Variants in NELL1 observed in about 807,000 individuals in gnomAD.
NELL1 encodes neural EGFL like 1, also known as protein kinase C-binding protein NELL1.
Under a neutral mutation model 107.4 loss-of-function variants are expected in NELL1, and 76 were observed. That is an observed-to-expected ratio of 0.71 (90% CI 0.59 to 0.86). The LOEUF (loss-of-function observed/expected upper bound fraction) is 0.86, where lower values mean the gene tolerates loss of function less well. NELL1 is among the 40% of genes least tolerant of loss of function. The pLI, the probability that NELL1 is intolerant of heterozygous loss-of-function variation, is 0.00. For missense variants in NELL1, 1,024 were observed against 1,005.5 expected, an observed-to-expected ratio of 1.02 and a Z score of -0.25; for synonymous variants, 353 against 341.2, an observed-to-expected ratio of 1.03 and a Z score of -0.38.
At chr11:20,820,825 C>T (rs1022307230) in intron 3 of NELL1, among the ~76,000 whole-genome samples, 2 of 152,192 alleles carry the variant, frequency 1.3e-5, no homozygotes, top group African/African-American at 4.8e-5. Flanking sequence ...CTGTCTCTAG[C>T]GTAGCCCCTT....
At chr11:21,151,229 G>C (rs532799157) in intron 13 of NELL1, among the ~76,000 whole-genome samples, 4 of 152,238 alleles carry the variant, frequency 2.6e-5, no homozygotes, top group African/African-American at 9.6e-5. Context: ...TGGTCTAGAG[G>C]AACATACATT....
intron 4 of NELL1, among the ~76,000 whole-genome samples, chr11:20,875,989 C>G (rs963240613): frequency 9.2e-5 from 14 of 152,224 alleles, no homozygotes; most frequent in African/African-American, 3.1e-4. Context: ...GGTGTTGACA[C>G]CCTGCTCTCA....
intron 12 of NELL1, among the ~76,000 whole-genome samples, chr11:21,001,970 T>C (rs1055025200): frequency 1.3e-5 from 2 of 152,192 alleles, no homozygotes; most frequent in African/African-American, 4.8e-5. Flanking sequence ...TTGGGCAAAA[T>C]GGCCCAGCCT....
intron 2 of NELL1, among the ~76,000 whole-genome samples, chr11:20,682,016 T>A (rs1007510519): frequency 6.6e-6 from 1 of 152,140 alleles, no homozygotes; most frequent in South Asian, 2.1e-4. Flanking sequence ...CATCTCAAGA[T>A]TCATAATTTA....
chr11:20,805,266 T>C (rs1857358692), intron 3 of NELL1, among the ~76,000 whole-genome samples: 1 of 152,194 alleles, frequency 6.6e-6, no homozygotes, highest in Admixed American at 6.5e-5. Flanking sequence ...TCATGTCTTT[T>C]GAATAAAGAG....
chr11:21,510,089 T>A lies in NELL1; in HGVS notation c.1646-24285T>A, dbSNP rs555987827. Among the ~76,000 whole-genome samples, 4 of 152,294 alleles carry A rather than the reference T, an allele frequency of 2.6e-5. No individual in the cohort carries two copies. The South Asian group carries it at 8.3e-4, about 32-fold the overall frequency. ...TAATTAACATCTTCGGCACTTGAGT[T>A]GAATGGCAAGACCTCTTCAGGACTG... On this transcript the variant is annotated intron_variant, in intron 15 of 19. Coordinates refer to ENST00000357134, the MANE Select transcript of NELL1 (RefSeq NM_006157.5).
In NELL1 at chr11:20,687,099, C is replaced by G. The variant is rs1247866146; in HGVS notation, c.184+9039C>G. Among the ~76,000 whole-genome samples the G allele has an allele frequency of 1.7e-4, 25 of 143,374 alleles. 1 individual carries two copies. Among genetic ancestry groups the G allele is most frequent in the Admixed American group, 1.7e-3 (24 of 14,226 alleles). The allele number at this position is 143,374 out of a possible 152,430, so 94.1% of individuals were successfully genotyped here. A position where few individuals can be genotyped will look rare whatever the true frequency, so the allele number is the denominator to read the frequency against. The stretch of plus-strand genomic sequence containing the variant: ...ATTATGTTATATTTAGTATGAGTGA[C>G]TTCATTTTGGTTTGATCTGATCTGG... On this transcript the variant is annotated intron_variant, in intron 2 of 19. Transcript: ENST00000357134.
intron 2 of NELL1, among the ~76,000 whole-genome samples, chr11:20,736,374 C>T (rs1369739128): frequency 3.9e-5 from 6 of 152,138 alleles, no homozygotes; most frequent in Non-Finnish European, 8.8e-5. Flanking sequence ...AGCAGAGCAA[C>T]CTGTCAGTGC....
intron 17 of NELL1, among the ~76,000 whole-genome samples, chr11:21,563,448 A>G (rs1052841667): frequency 6.6e-6 from 1 of 152,066 alleles, no homozygotes; most frequent in African/African-American, 2.4e-5. Flanking sequence ...GAACACAGAA[A>G]GGGGAAGCAT....
At chr11:20,906,645 C>T (rs1850004746) in intron 5 of NELL1, among the ~76,000 whole-genome samples, 1 of 152,014 alleles carries the variant, frequency 6.6e-6, no homozygotes, top group Non-Finnish European at 1.5e-5. Flanking sequence ...GGATTATGCA[C>T]TATGCCCAAG....
chr11:20,960,417 A>C lies in NELL1; in HGVS notation c.1172-15A>C. 1 of 1,610,726 alleles carries C rather than the reference A, an allele frequency of 6.2e-7. No homozygotes were observed. Among genetic ancestry groups the C allele is most frequent in the Non-Finnish European group, 8.5e-7 (1 of 1,178,600 alleles). ...TCCTCCTTTTCTGATGTACGTTTTT[A>C]TTTGTTTTTTCTAGGTCATAACTTT... On this transcript the variant is annotated splice_polypyrimidine_tract_variant and intron_variant, in intron 11 of 19. Coordinates refer to ENST00000357134, the MANE Select transcript of NELL1 (RefSeq NM_006157.5).
At chr11:21,340,094 C>A (rs1021698346) in intron 14 of NELL1, among the ~76,000 whole-genome samples, 1 of 152,198 alleles carries the variant, frequency 6.6e-6, no homozygotes, top group Non-Finnish European at 1.5e-5. Flanking sequence ...TCTTGGAAAG[C>A]TTTAGCCAGC....
At chr11:21,096,892 A>G (rs941733177) in intron 12 of NELL1, among the ~76,000 whole-genome samples, 3 of 151,752 alleles carry the variant, frequency 2.0e-5, no homozygotes, top group African/African-American at 7.3e-5. Flanking sequence ...TTGTATTATT[A>G]TTATTTGTAG....
At chr11:21,098,044 C>T (rs1228490669) in intron 12 of NELL1, among the ~76,000 whole-genome samples, 1 of 151,622 alleles carries the variant, frequency 6.6e-6, no homozygotes, top group Non-Finnish European at 1.5e-5. Context: ...CCATTGTCCT[C>T]AGGATGAAGT....
chr11:21,205,061 G>A (rs1379437750), intron 13 of NELL1, among the ~76,000 whole-genome samples: 1 of 152,196 alleles, frequency 6.6e-6, no homozygotes, highest in Non-Finnish European at 1.5e-5. Context: ...CTGCTGGGAT[G>A]TGTCTCCCAG....
chr11:21,040,249 A>T (rs964303828), intron 12 of NELL1, among the ~76,000 whole-genome samples: 11 of 152,060 alleles, frequency 7.2e-5, no homozygotes, highest in Admixed American at 2.0e-4. Flanking sequence ...CATCAATTGA[A>T]TGGTTGAACA....
intron 2 of NELL1, 61 bp downstream of exon 2, chr11:20,678,121 G>A: frequency 6.3e-7 from 1 of 1,586,726 alleles, no homozygotes; most frequent in East Asian, 2.2e-5. Context: ...TGTCTGGGGA[G>A]TGCTCATTTG....
chr11:20,799,740 T>A (rs892032913), intron 3 of NELL1, among the ~76,000 whole-genome samples: 1 of 152,206 alleles, frequency 6.6e-6, no homozygotes, highest in South Asian at 2.1e-4. Context: ...TACACTGTTA[T>A]ACTGCATGAT....
chr11:20,994,574 C>G (rs1423674756), intron 12 of NELL1, among the ~76,000 whole-genome samples: 6 of 152,126 alleles, frequency 3.9e-5, no homozygotes, highest in African/African-American at 1.4e-4. Context: ...AAATGTAAAA[C>G]CAAGGAGTGG....
Sources: gnomAD v4.1 joint callset for allele counts (sites outside exome capture counted in the v4.1 genomes callset) on GRCh38, gnomAD v4.1.1 for gene constraint, MANE v1.5 for transcripts, NCBI Gene and HGNC (gene_info 2026-07-23, HGNC 2026-07-21) for gene names.